IDH1: variants seen among roughly 807,000 people sequenced by gnomAD.
The protein encoded by IDH1 is isocitrate dehydrogenase [NADP] cytoplasmic.
IDH1 carries 33 observed loss-of-function variants against 46.1 expected under a neutral mutation model. That is an observed-to-expected ratio of 0.72 (90% CI 0.54 to 0.96). The LOEUF (loss-of-function observed/expected upper bound fraction) is 0.96. IDH1 is among the 40% of genes least tolerant of loss of function. The pLI is 0.00. For missense variants in IDH1, 421 were observed against 515.7 expected, an observed-to-expected ratio of 0.82 and a Z score of 1.78; for synonymous variants, 144 against 172.8, an observed-to-expected ratio of 0.83 and a Z score of 1.31.
rs1359322778 is a variant in IDH1 at position 208,239,893 on chromosome 2, T to C, written c.961A>G (p.Lys321Glu). ...TVTRHYRMYQKGQETSTNPIA... is the reference protein window; with the variant it reads ...TVTRHYRMYQEGQETSTNPIA... ...GGATTGGTGGACGTCTCCTGTCCTT[T>C]CTGGTACATGCGGTAGTGACGGGTT... The change falls in exon 8 of 10, where the codon AAA (lysine) becomes GAA (glutamate). Residue 321 changes from lysine (K) to glutamate (E), a missense_variant. By Grantham distance (56) the Lys-to-Glu change is moderately conservative (BLOSUM62 1). Coordinates refer to ENST00000345146, the MANE Select transcript of IDH1 (RefSeq NM_005896.4). The C allele has an allele frequency of 1.2e-6, 2 of 1,614,060 alleles. No homozygotes were observed. The highest frequency in any genetic ancestry group is 1.3e-5 in the African/African-American group (1 of 74,926).
intron 5 of IDH1, among the ~76,000 whole-genome samples, chr2:208,244,528 T>C (rs1687981843): frequency 6.6e-6 from 1 of 152,248 alleles, no homozygotes; most frequent in Admixed American, 6.5e-5. Flanking sequence ...TAAGTAGAAA[T>C]AATTATGCTA....
chr2:208,239,372 G>A (rs1457798321), intron 8 of IDH1, 139 bp from the exon 9 acceptor site: 7 of 819,040 alleles, frequency 8.5e-6, no homozygotes, highest in East Asian at 2.7e-5. Flanking sequence ...TGGGCTAGAA[G>A]TTTTAGGAGA....
At chr2:208,240,150 T>A (rs755690596) in intron 7 of IDH1, 147 bp from the exon 8 acceptor site, 18 of 832,836 alleles carry the variant, frequency 2.2e-5, no homozygotes, top group Non-Finnish European at 3.6e-5. Context: ...AATTCTGCCT[T>A]TCAGAAGGCA....
At chr2:208,243,685 C>T (rs892375832) in intron 5 of IDH1, 81 bp from the exon 6 acceptor site, 15 of 1,131,722 alleles carry the variant, frequency 1.3e-5, no homozygotes, top group Non-Finnish European at 2.0e-5. Flanking sequence ...AATCACCCAC[C>T]ACAACCAAAT....
chr2:208,254,806 T>G (rs1688184869), intron 1 of IDH1, 133 bp downstream of exon 1: 1 of 152,428 alleles, frequency 6.6e-6, no homozygotes, highest in Non-Finnish European at 1.5e-5. Flanking sequence ...TTCCCTTCTT[T>G]GCACGCAGGC....
Position 208,239,004 on chromosome 2 carries a change from C to T in IDH1, c.1154+67G>A, listed in dbSNP as rs566023900. On this transcript the variant is annotated intron_variant, in intron 9 of 9. Coordinates refer to ENST00000345146, the MANE Select transcript of IDH1 (RefSeq NM_005896.4). ...CAATTTATATAATTCCAGAAAGCAC[C>T]GATGCTCTGAGCCCAGTGAGGATAA... 47 of 1,351,994 alleles carry T rather than the reference C, an allele frequency of 3.5e-5. No individual in the cohort carries two copies. The Admixed American group carries it at 4.0e-4, about 12-fold the overall frequency. The allele number at this position is 1,351,994 out of a possible 1,614,324, so 83.7% of individuals were successfully genotyped here.
intron 7 of IDH1, among the ~76,000 whole-genome samples, chr2:208,241,772 C>T (rs1559359667): frequency 6.6e-6 from 1 of 152,160 alleles, no homozygotes; most frequent in African/African-American, 2.4e-5. Flanking sequence ...AGGAGTGACA[C>T]TGGAGCCAGG....
chr2:208,240,232 T>C, intron 7 of IDH1: 1 of 564,136 alleles, frequency 1.8e-6, no homozygotes, highest in Non-Finnish European at 3.3e-6. Flanking sequence ...ATTTCAGGGA[T>C]ACCTACTCCT....
chr2:208,240,162 G>A, intron 7 of IDH1, 159 bp from the exon 8 acceptor site: 1 of 751,002 alleles, frequency 1.3e-6, no homozygotes, highest in Non-Finnish European at 2.3e-6. Flanking sequence ...CAGAAGGCAG[G>A]ATCCCCGCTC....
At chr2:208,238,462 C>CATATCTGGCTACTATGTT (rs1448983848) in intron 9 of IDH1, among the ~76,000 whole-genome samples, 1 of 152,172 alleles carries the variant, frequency 6.6e-6, no homozygotes, top group Non-Finnish European at 1.5e-5. Context: ...GAGACAATCC[C>CATATCTGGCTACTATGTT]CCCAGGATAC....
chr2:208,246,704 G>A (rs907614998), intron 4 of IDH1, among the ~76,000 whole-genome samples: 8 of 151,512 alleles, frequency 5.3e-5, no homozygotes, highest in South Asian at 2.1e-4. Flanking sequence ...TTTGGGAGGC[G>A]GAGGCGGAGG....
Position 208,241,986 on chromosome 2 carries a change from C to T in IDH1, c.850+8G>A, listed in dbSNP as rs1461918958. ...CCTGTTCCTACAGGCCAGGCTCCAC[C>T]TCTGTACCTTGGGCCACAGAGTCCG... On this transcript the variant is annotated splice_region_variant and intron_variant, in intron 7 of 9. Coordinates refer to ENST00000345146, the MANE Select transcript of IDH1 (RefSeq NM_005896.4). 1 of 1,611,988 alleles carries T rather than the reference C, an allele frequency of 6.2e-7. No individual in the cohort carries two copies. Among genetic ancestry groups the T allele is most frequent in the South Asian group, 1.1e-5 (1 of 90,994 alleles).
chr2:208,252,679 T>C (rs1386980338), intron 2 of IDH1, among the ~76,000 whole-genome samples: 2 of 152,224 alleles, frequency 1.3e-5, no homozygotes, highest in East Asian at 1.9e-4. Flanking sequence ...AAGCCTAAAA[T>C]AGTCTTTCTT....
Position 208,251,418 on chromosome 2 carries a change from T to TA in IDH1, c.122+11dup. The stretch of plus-strand genomic sequence containing the variant: ...TTTCTGAGTTTGCTACACGGAGGGG[T>TA]AACTCATTTACCTATGTAGATCCAA... On this transcript the variant is annotated intron_variant, in intron 3 of 9. Transcript: ENST00000345146. The TA allele has an allele frequency of 6.2e-7, 1 of 1,612,350 alleles. No homozygotes were observed. The highest frequency in any genetic ancestry group is 1.3e-5 in the African/African-American group (1 of 74,948).
chr2:208,237,397 C>G (rs1424784592), intron 9 of IDH1, among the ~76,000 whole-genome samples: 12 of 140,490 alleles, frequency 8.5e-5, no homozygotes, highest in Non-Finnish European at 1.7e-4. Context: ...GTAGAGACAG[C>G]CATACATACT....
At chr2:208,246,955 C>A (rs1688035493) in intron 4 of IDH1, among the ~76,000 whole-genome samples, 1 of 152,026 alleles carries the variant, frequency 6.6e-6, no homozygotes, top group African/African-American at 2.4e-5. Context: ...AAACAAAAAA[C>A]AAAAAGGATA....
chr2:208,245,120 C>A (rs1170471362), intron 5 of IDH1, among the ~76,000 whole-genome samples, 199 bp downstream of exon 5: 1 of 152,144 alleles, frequency 6.6e-6, no homozygotes, highest in Non-Finnish European at 1.5e-5. Context: ...AAGTGGGTAA[C>A]CCTTTTGTGC....
chr2:208,250,158 CAT>C (rs1459585734), intron 3 of IDH1, among the ~76,000 whole-genome samples: 1 of 152,230 alleles, frequency 6.6e-6, no homozygotes, highest in South Asian at 2.1e-4. Context: ...TCCTCCTAGT[CAT>C]AGTGACTCCC....
rs1420793804 is a variant in IDH1, at chr2:208,245,788, CCAA to C, written c.415-367_415-365del. Among the ~76,000 whole-genome samples the C allele has an allele frequency of 4.3e-4, 18 of 42,350 alleles. 1 individual carries two copies. Among genetic ancestry groups the C allele is most frequent in the Admixed American group, 1.7e-3 (6 of 3,584 alleles). 27.8% of individuals were successfully genotyped at this position (42,350 alleles called of 152,430 possible). ...CAAAAGAGGGTATTAGACCCCCCCCCCAAAAAAAAAAAAACTATAGGATGACAG... is the reference window on the plus strand; with the variant it reads ...CAAAAGAGGGTATTAGACCCCCCCCCAAAAAAAAAAACTATAGGATGACAG... On this transcript the variant is annotated intron_variant, in intron 4 of 9. Coordinates refer to ENST00000345146, the MANE Select transcript of IDH1 (RefSeq NM_005896.4).
Sources: allele counts gnomAD v4.1 joint callset (sites outside exome capture counted in the v4.1 genomes callset), GRCh38; gene constraint gnomAD v4.1.1; transcripts MANE v1.5; gene names NCBI Gene and HGNC (gene_info 2026-07-23, HGNC 2026-07-21).